Variants in PNPT1 observed in about 807,000 individuals in gnomAD.
PNPT1 encodes polyribonucleotide nucleotidyltransferase 1, mitochondrial.
Under a neutral mutation model 119.5 loss-of-function variants are expected in PNPT1, and 53 were observed. The observed-to-expected ratio is 0.44, with a 90% CI of 0.36 to 0.56. The LOEUF (loss-of-function observed/expected upper bound fraction) is 0.56, where lower values mean the gene tolerates loss of function less well. PNPT1 is among the 20% of genes least tolerant of loss of function. PNPT1 has a pLI of 0.00. For missense variants in PNPT1, 948 were observed against 938.5 expected (o/e 1.01, Z -0.13); for synonymous variants, 357 against 322.1 (o/e 1.11, Z -1.16).
At chr2:55,685,179 C>A in intron 3 of PNPT1, 131 bp from the exon 4 acceptor site, 1 of 582,976 alleles carries the variant, frequency 1.7e-6, no homozygotes, top group Non-Finnish European at 2.6e-6. Context: ...ATTTACTTAG[C>A]ATTTTGTATC....
chr2:55,674,427 T>C (rs145976689), intron 8 of PNPT1, among the ~76,000 whole-genome samples: 2 of 152,130 alleles, frequency 1.3e-5, no homozygotes, highest in East Asian at 3.9e-4. Context: ...GTCCTGTCTC[T>C]ATAAAAAATG....
In PNPT1 at chr2:55,643,604, C is replaced by G. The variant is rs1436730925; in HGVS notation, c.1907-179G>C. Among the ~76,000 whole-genome samples, 8 of 152,074 alleles carry G rather than the reference C, an allele frequency of 5.3e-5. No individual in the cohort carries two copies. The South Asian group carries it at 1.7e-3, about 32-fold the overall frequency. On this transcript the variant is annotated intron_variant, in intron 23 of 27. Transcript: ENST00000447944. ...TACAAAAAATAAATTCAAAAATTAG[C>G]TGGACCTGGTAGCATGTGCCCACCT...
rs762567593 is a variant in PNPT1 at position 55,645,316 on chromosome 2, G to A, written c.1822+33C>T. 37 of 1,486,144 alleles carry A rather than the reference G, an allele frequency of 2.5e-5. No individual in the cohort carries two copies. In the East Asian group the frequency reaches 3.2e-4, roughly 13 times the overall value. 92.1% of individuals were successfully genotyped at this position (1,486,144 alleles called of 1,614,324 possible). ...TGGGATTACAGGCGTGAGCCACCGC[G>A]CCCAGCCGATCACTAAAATTTTAAT... On this transcript the variant is annotated intron_variant, in intron 22 of 27. Coordinates refer to ENST00000447944, the MANE Select transcript of PNPT1 (RefSeq NM_033109.5).
chr2:55,685,036 G>C lies in PNPT1; in HGVS notation c.310C>G (p.Gln104Glu). Reference sequence around the variant, plus strand: ...ATTCTACCTGCTGCAGCAGCTTTTTGTCTGTAGTCAACCTGAAGCAGCAAT... The same window carrying C: ...ATTCTACCTGCTGCAGCAGCTTTTTCTCTGTAGTCAACCTGAAGCAGCAAT... The part of the protein sequence containing the change: ...QFMPLVVDYR[Q>E]KAAAAGRIPT... The change falls in exon 4 of 28, where the codon CAA (glutamine) becomes GAA (glutamate). Residue 104 changes from glutamine (Q) to glutamate (E), a missense_variant. By Grantham distance (29) the Gln-to-Glu change is conservative. Transcript: ENST00000447944. 1 of 1,588,056 alleles carries C rather than the reference G, an allele frequency of 6.3e-7. No individual in the cohort carries two copies. Among genetic ancestry groups the C allele is most frequent in the Non-Finnish European group, 8.6e-7 (1 of 1,162,046 alleles).
At chr2:55,684,571 A>C (rs1259917653) in intron 4 of PNPT1, among the ~76,000 whole-genome samples, 1 of 152,260 alleles carries the variant, frequency 6.6e-6, no homozygotes, top group Non-Finnish European at 1.5e-5. Flanking sequence ...GTAGCTGATG[A>C]ACATAATGTT....
chr2:55,668,810 G>A (rs911387079), intron 11 of PNPT1, among the ~76,000 whole-genome samples: 8 of 152,054 alleles, frequency 5.3e-5, no homozygotes, highest in African/African-American at 1.9e-4. Context: ...ACGTTGGTCA[G>A]GCTGGGCTCG....
At chr2:55,658,052 A>G (rs1696446898) in intron 15 of PNPT1, among the ~76,000 whole-genome samples, 1 of 151,888 alleles carries the variant, frequency 6.6e-6, no homozygotes, top group Admixed American at 6.6e-5. Context: ...AGCCTGGACA[A>G]CATGGCAAAA....
At chr2:55,684,874 A>G in intron 4 of PNPT1, 69 bp downstream of exon 4, 1 of 1,386,140 alleles carries the variant, frequency 7.2e-7, no homozygotes, top group South Asian at 1.8e-5. Context: ...TGTAGAACAC[A>G]GATGCAAGAG....
chr2:55,684,899 T>A (rs113703487), intron 4 of PNPT1, 44 bp downstream of exon 4: 2 of 1,450,274 alleles, frequency 1.4e-6, no homozygotes, highest in East Asian at 4.8e-5. Flanking sequence ...GATGCTAACA[T>A]AGGCATACCA....
intron 14 of PNPT1, among the ~76,000 whole-genome samples, chr2:55,661,067 C>G (rs1449662557): frequency 6.8e-6 from 1 of 147,360 alleles, no homozygotes; most frequent in Non-Finnish European, 1.5e-5. Context: ...TGCAATAATG[C>G]TGGTGAGGAC....
rs1057522265 is a variant in PNPT1, at chr2:55,666,984, A to G, written c.1176+7T>C. On this transcript the variant is annotated splice_region_variant and intron_variant, in intron 13 of 27. Transcript: ENST00000447944. ...AGCAAATAATTAGAGCTTTTTATAT[A>G]AATTACCTGTGTTTGTCCTCTTTGA... The G allele has an allele frequency of 3.3e-6, 5 of 1,534,258 alleles. No homozygotes were observed. The highest frequency in any genetic ancestry group is 4.4e-6 in the Non-Finnish European group (5 of 1,136,730).
intron 25 of PNPT1, among the ~76,000 whole-genome samples, 161 bp from the exon 26 acceptor site, chr2:55,640,866 A>T (rs1695813199): frequency 6.6e-6 from 1 of 152,344 alleles, no homozygotes; most frequent in East Asian, 1.9e-4. Flanking sequence ...AACTGAAAAT[A>T]TACCCTATAA....
intron 15 of PNPT1, among the ~76,000 whole-genome samples, chr2:55,659,469 G>T (rs1256217254): frequency 6.6e-6 from 1 of 151,558 alleles, no homozygotes; most frequent in Non-Finnish European, 1.5e-5. Flanking sequence ...TTTGGGAGTT[G>T]AGGTATTTAA....
chr2:55,640,427 C>G (rs569810663), intron 26 of PNPT1, among the ~76,000 whole-genome samples, 200 bp downstream of exon 26: 41 of 152,338 alleles, frequency 2.7e-4, no homozygotes, highest in African/African-American at 9.4e-4. Context: ...GCTGGGATTA[C>G]AGGCATGAGC....
chr2:55,653,216 G>A (rs1449717319), intron 18 of PNPT1, among the ~76,000 whole-genome samples: 3 of 152,082 alleles, frequency 2.0e-5, no homozygotes, highest in East Asian at 1.9e-4. Flanking sequence ...TGAGGGTCAC[G>A]ATCAAGTTCA....
chr2:55,660,108 AAATTTATT>A, intron 15 of PNPT1, 41 bp downstream of exon 15: 1 of 1,507,660 alleles, frequency 6.6e-7, no homozygotes, highest in Non-Finnish European at 8.9e-7. Context: ...CGTCTCACAA[AAATTTATT>A]AATTTATTAA....
At chr2:55,644,786 G>T in intron 22 of PNPT1, 66 bp from the exon 23 acceptor site, 2 of 1,150,032 alleles carry the variant, frequency 1.7e-6, no homozygotes, top group Non-Finnish European at 2.4e-6. Flanking sequence ...AACATGCCAT[G>T]GTCACTTGAG....
At chr2:55,640,871 C>T (rs564593528) in intron 25 of PNPT1, among the ~76,000 whole-genome samples, 166 bp from the exon 26 acceptor site, 1 of 152,012 alleles carries the variant, frequency 6.6e-6, no homozygotes, top group South Asian at 2.1e-4. Flanking sequence ...AAAATATACC[C>T]TATAAATAAA....
chr2:55,660,470 A>G (rs939543492), intron 14 of PNPT1, among the ~76,000 whole-genome samples: 1 of 152,232 alleles, frequency 6.6e-6, no homozygotes, highest in Admixed American at 6.5e-5. Flanking sequence ...CAATAGATGT[A>G]TTTTTAAGCA....
Sources: gnomAD v4.1 joint callset for allele counts (sites outside exome capture counted in the v4.1 genomes callset) on GRCh38, gnomAD v4.1.1 for gene constraint, MANE v1.5 for transcripts, NCBI Gene and HGNC (gene_info 2026-07-23, HGNC 2026-07-21) for gene names.